The following CMIP variants were observed in gnomAD, a reference collection of about 807,000 sequenced individuals.
CMIP encodes c-Maf inducing protein, also known as C-Maf-inducing protein.
CMIP carries 13 observed loss-of-function variants against 97.3 expected under a neutral mutation model. That is an observed-to-expected ratio of 0.13 (90% CI 0.09 to 0.21). The LOEUF (loss-of-function observed/expected upper bound fraction) is 0.21, where lower values mean the gene tolerates loss of function less well. CMIP is among the 10% of genes least tolerant of loss of function. The pLI, the probability that CMIP is intolerant of heterozygous loss-of-function variation, is 1.00. For missense variants in CMIP, 847 were observed against 1,024.9 expected, an observed-to-expected ratio of 0.83 and a Z score of 2.37; for synonymous variants, 538 against 436.3, an observed-to-expected ratio of 1.23 and a Z score of -2.91.
In CMIP at chr16:81,537,760, G is replaced by A. The variant is rs558012647; in HGVS notation, c.301-69807G>A. On this transcript the variant is annotated intron_variant, in intron 1 of 20. Coordinates refer to ENST00000537098, the MANE Select transcript of CMIP (RefSeq NM_198390.3). ...AATGGGAGTTTGGTGAAAGTTCAGT[G>A]GAGGATTAGCCATGAGGATTTCAGG... 7.9e-5 allele frequency among the ~76,000 whole-genome samples: 12 copies of A among 152,328 alleles called. No homozygotes were observed. In the South Asian group the frequency reaches 2.5e-3, roughly 32 times the overall value.
intron 1 of CMIP, among the ~76,000 whole-genome samples, chr16:81,596,506 CAAAA>C (rs1164896590): frequency 5.6e-5 from 5 of 89,008 alleles, no homozygotes; most frequent in Non-Finnish European, 4.9e-5. Flanking sequence ...GGCCCTGTCT[CAAAA>C]AAAAAAAAAA....
At chr16:81,660,701 G>A (rs556972306) in intron 5 of CMIP, among the ~76,000 whole-genome samples, 183 bp from the exon 6 acceptor site, 33 of 152,030 alleles carry the variant, frequency 2.2e-4, no homozygotes, top group Non-Finnish European at 4.3e-4. Context: ...GACAGATACG[G>A]TTGTGGATTT....
intron 13 of CMIP, among the ~76,000 whole-genome samples, chr16:81,694,538 G>T (rs1181531076): frequency 6.6e-6 from 1 of 152,168 alleles, no homozygotes; most frequent in Non-Finnish European, 1.5e-5. Flanking sequence ...GTCCAACCAT[G>T]GCAGGTCTCT....
intron 10 of CMIP, among the ~76,000 whole-genome samples, chr16:81,678,929 C>T (rs377101062): frequency 1.3e-5 from 2 of 152,234 alleles, no homozygotes; most frequent in Non-Finnish European, 2.9e-5. Flanking sequence ...GGCTTTGTAC[C>T]TGTATGCTTG....
rs1391531648 is a variant in CMIP at position 81,462,099 on chromosome 16, A to G, written c.300+16558A>G. Among the ~76,000 whole-genome samples, 3 of 152,066 alleles carry G rather than the reference A, an allele frequency of 2.0e-5. No individual in the cohort carries two copies. The East Asian group carries it at 5.8e-4, about 29-fold the overall frequency. Reference sequence around the variant, plus strand: ...AAATTTTGGTCCATTTCTGCATCCCATGACTTGCTTTGGGAAGTGATTTAT... The same window carrying G: ...AAATTTTGGTCCATTTCTGCATCCCGTGACTTGCTTTGGGAAGTGATTTAT... On this transcript the variant is annotated intron_variant, in intron 1 of 20. Coordinates refer to ENST00000537098, the MANE Select transcript of CMIP (RefSeq NM_198390.3).
intron 3 of CMIP, among the ~76,000 whole-genome samples, chr16:81,642,979 G>A (rs1317879475): frequency 2.7e-5 from 4 of 150,920 alleles, no homozygotes; most frequent in African/African-American, 9.7e-5. Context: ...AGCTGCCACA[G>A]CCGGATGAAC....
Position 81,493,755 on chromosome 16 carries a change from C to T in CMIP, c.300+48214C>T, listed in dbSNP as rs895201519. Among the ~76,000 whole-genome samples, 6 of 152,234 alleles carry T rather than the reference C, an allele frequency of 3.9e-5. No homozygotes were observed. In the East Asian group the frequency reaches 9.6e-4, roughly 24 times the overall value. On this transcript the variant is annotated intron_variant, in intron 1 of 20. Transcript: ENST00000537098. ...AACATACACGAAGCAACACGCACGTCGCAGAACCCACAGCTGAGGAGACCA... is the reference window on the plus strand; with the variant it reads ...AACATACACGAAGCAACACGCACGTTGCAGAACCCACAGCTGAGGAGACCA...
At chr16:81,558,543 C>T (rs1027879392) in intron 1 of CMIP, among the ~76,000 whole-genome samples, 1 of 152,202 alleles carries the variant, frequency 6.6e-6, no homozygotes, top group African/African-American at 2.4e-5. Flanking sequence ...ACACACAGGA[C>T]ACCGCAGAGA....
chr16:81,472,222 G>T (rs979132427), intron 1 of CMIP, among the ~76,000 whole-genome samples: 1 of 152,194 alleles, frequency 6.6e-6, no homozygotes, highest in African/African-American at 2.4e-5. Flanking sequence ...GTTGTGTGAC[G>T]TCTCTGCCTC....
chr16:81,647,820 C>T (rs998088821), intron 3 of CMIP, among the ~76,000 whole-genome samples: 1 of 152,094 alleles, frequency 6.6e-6, no homozygotes, highest in African/African-American at 2.4e-5. Context: ...AGGCCTCCCT[C>T]ATCCCTGTGG....
intron 1 of CMIP, chr16:81,476,510 G>A (rs1369835419): frequency 1.5e-6 from 1 of 685,944 alleles, no homozygotes; most frequent in South Asian, 1.4e-5. Flanking sequence ...AACACAGTGG[G>A]GTTGACCATG....
At chr16:81,661,904 G>T (rs1451122973) in intron 6 of CMIP, among the ~76,000 whole-genome samples, 1 of 152,088 alleles carries the variant, frequency 6.6e-6, no homozygotes, top group Admixed American at 6.5e-5. Flanking sequence ...AGTGCCCAGG[G>T]TACCTGTCAG....
intron 1 of CMIP, among the ~76,000 whole-genome samples, chr16:81,510,209 G>A (rs1032827419): frequency 2.0e-5 from 3 of 152,194 alleles, no homozygotes; most frequent in South Asian, 2.1e-4. Flanking sequence ...AGGTCTGATC[G>A]GGGACGAGGG....
intron 1 of CMIP, among the ~76,000 whole-genome samples, chr16:81,500,842 CCTT>C (rs1464074019): frequency 6.6e-6 from 1 of 150,770 alleles, no homozygotes; most frequent in Non-Finnish European, 1.5e-5. Flanking sequence ...TCCCTCCCTT[CCTT>C]CTTTCTTTCC....
At chr16:81,577,664 A>G (rs915820536) in intron 1 of CMIP, among the ~76,000 whole-genome samples, 6 of 151,328 alleles carry the variant, frequency 4.0e-5, no homozygotes, top group East Asian at 2.0e-4. Flanking sequence ...CATCACCACC[A>G]TCATCCCCAT....
At chr16:81,612,022 G>A (rs548414692) in intron 2 of CMIP, among the ~76,000 whole-genome samples, 1 of 152,316 alleles carries the variant, frequency 6.6e-6, no homozygotes, top group South Asian at 2.1e-4. Context: ...ATCCCTCGTT[G>A]CAGAAAGGGC....
At chr16:81,527,751 C>G (rs570078841) in intron 1 of CMIP, among the ~76,000 whole-genome samples, 54 of 152,340 alleles carry the variant, frequency 3.5e-4, no homozygotes, top group African/African-American at 1.3e-3. Context: ...TGAGCTTCAT[C>G]TACATTCTGT....
Position 81,699,751 on chromosome 16 carries a change from C to T in CMIP, c.1705C>T (p.Leu569=), listed in dbSNP as rs755484861. 6.2e-7 allele frequency: 1 copy of T among 1,613,768 alleles called. No homozygotes were observed. The highest frequency in any genetic ancestry group is 1.3e-5 in the African/African-American group (1 of 75,046). Residue 569 remains leucine, a synonymous_variant, in exon 15 of 21, where the codon CTG becomes TTG. Coordinates refer to ENST00000537098, the MANE Select transcript of CMIP (RefSeq NM_198390.3). The part of the protein sequence containing the change: ...KFLLSLAENK[L]GPCMLLALRG... ...CCTGCTCTCCCTGGCAGAAAACAAGCTGGGTCCCTGCATGCTCCTGGCACT... is the reference window on the plus strand; with the variant it reads ...CCTGCTCTCCCTGGCAGAAAACAAGTTGGGTCCCTGCATGCTCCTGGCACT...
chr16:81,670,266 C>T (rs751189533), intron 8 of CMIP, 21 bp downstream of exon 8: 2 of 1,590,394 alleles, frequency 1.3e-6, no homozygotes, highest in Non-Finnish European at 1.7e-6. Flanking sequence ...GGCGCGACGT[C>T]CCTCTGTGGC....
Sources: gnomAD v4.1 joint callset for allele counts (sites outside exome capture counted in the v4.1 genomes callset) on GRCh38, gnomAD v4.1.1 for gene constraint, MANE v1.5 for transcripts, NCBI Gene and HGNC (gene_info 2026-07-23, HGNC 2026-07-21) for gene names.